Variants in HHIP observed in about 807,000 individuals in gnomAD.
HHIP encodes hedgehog-interacting protein.
A neutral mutation model predicts 74.0 loss-of-function variants in HHIP; 12 were observed. The observed-to-expected ratio is 0.16, with a 90% CI of 0.10 to 0.26. HHIP has a LOEUF of 0.26. Among genes scored for constraint, HHIP ranks in the 10% least tolerant of loss-of-function variants. The pLI is 1.00. For synonymous variants in HHIP, 309 were observed against 311.6 expected (o/e 0.99, Z 0.09); for missense variants, 788 against 845.0 (o/e 0.93, Z 0.84).
Position 144,734,748 on chromosome 4 carries a change from A to G in HHIP, c.1768A>G (p.Met590Val). The change falls in exon 12 of 13, where the codon ATG becomes GTG. Residue 590 changes from methionine (M) to valine (V), a missense_variant. Around this residue, in one of 3 missense-constraint regions of HHIP, gnomAD observed 343 missense variants for 347.9 expected, o/e 0.99. Transcript: ENST00000296575. ...TATTGTGTTTTAATGTAGACCTTTA[A>G]TGCCTGAGGAATGCAGAGCCACGGT... ...YKIVDPKRPL[M>V]PEECRATVQP... 1 of 1,583,382 alleles carries G rather than the reference A, an allele frequency of 6.3e-7. No homozygotes were observed. Among genetic ancestry groups the G allele is most frequent in the Non-Finnish European group, 8.6e-7 (1 of 1,156,632 alleles).
chr4:144,714,376 GAT>G, intron 9 of HHIP, 28 bp downstream of exon 9: 1 of 1,609,350 alleles, frequency 6.2e-7, no homozygotes, highest in Non-Finnish European at 8.5e-7. Context: ...ACAACAGTAT[GAT>G]ATACCAAATG....
chr4:144,654,680 G>A (rs1488139855), intron 2 of HHIP, among the ~76,000 whole-genome samples: 2 of 152,014 alleles, frequency 1.3e-5, no homozygotes, highest in Non-Finnish European at 2.9e-5. Flanking sequence ...CCCTGCCCCT[G>A]CCCCCAGCAC....
intron 4 of HHIP, among the ~76,000 whole-genome samples, chr4:144,698,102 T>A (rs1729872571): frequency 6.6e-6 from 1 of 152,112 alleles, no homozygotes; most frequent in South Asian, 2.1e-4. Flanking sequence ...CACGGACCAA[T>A]CGCTACATAC....
intron 2 of HHIP, among the ~76,000 whole-genome samples, chr4:144,656,389 G>A (rs1728558024): frequency 6.6e-6 from 1 of 152,056 alleles, no homozygotes; most frequent in Non-Finnish European, 1.5e-5. Flanking sequence ...CCAAGTTTAT[G>A]AATATATATT....
intron 4 of HHIP, among the ~76,000 whole-genome samples, chr4:144,681,442 T>C (rs1333558068): frequency 8.5e-6 from 1 of 118,108 alleles, no homozygotes; most frequent in Non-Finnish European, 1.9e-5. Flanking sequence ...TTTTTTTTTT[T>C]TGAGACAGAG....
intron 10 of HHIP, among the ~76,000 whole-genome samples, chr4:144,716,258 T>G (rs951075717): frequency 7.9e-5 from 12 of 151,306 alleles, no homozygotes; most frequent in Admixed American, 2.6e-4. Flanking sequence ...TCAGATTTGG[T>G]TTTTTTTACA....
chr4:144,664,125 C>T (rs1728790787), intron 4 of HHIP, among the ~76,000 whole-genome samples: 1 of 152,206 alleles, frequency 6.6e-6, no homozygotes, highest in Non-Finnish European at 1.5e-5. Flanking sequence ...ATCATTGGAA[C>T]AAGTGTCACT....
At chr4:144,721,182 G>A (rs1349951062) in intron 11 of HHIP, among the ~76,000 whole-genome samples, 1 of 152,080 alleles carries the variant, frequency 6.6e-6, no homozygotes, top group Non-Finnish European at 1.5e-5. Context: ...CCCAAGAAGA[G>A]AAAAGCAGGA....
intron 10 of HHIP, 135 bp downstream of exon 10, chr4:144,715,565 C>T: frequency 2.6e-6 from 2 of 773,846 alleles, no homozygotes; most frequent in African/African-American, 1.7e-5. Flanking sequence ...AGATGACCTA[C>T]TCCAGAGATT....
chr4:144,674,336 G>A (rs1227084373), intron 4 of HHIP, among the ~76,000 whole-genome samples: 1 of 152,154 alleles, frequency 6.6e-6, no homozygotes, highest in African/African-American at 2.4e-5. Context: ...TCTGCTTAAT[G>A]TTAAACTCAA....
At chr4:144,699,929 T>A (rs1246214794) in intron 4 of HHIP, among the ~76,000 whole-genome samples, 2 of 152,156 alleles carry the variant, frequency 1.3e-5, no homozygotes, top group Non-Finnish European at 2.9e-5. Flanking sequence ...CTGCAATGTG[T>A]TTCACAGCTT....
At chr4:144,719,997 T>C (rs1221187183) in intron 11 of HHIP, among the ~76,000 whole-genome samples, 2 of 152,232 alleles carry the variant, frequency 1.3e-5, no homozygotes, top group Non-Finnish European at 2.9e-5. Flanking sequence ...GAGGGAAATG[T>C]AGGTCGACAT....
intron 11 of HHIP, among the ~76,000 whole-genome samples, chr4:144,726,253 A>T (rs960574656): frequency 6.6e-5 from 10 of 152,214 alleles, no homozygotes; most frequent in Admixed American, 3.9e-4. Context: ...ATTTTGTGTC[A>T]TATCAGAGTA....
intron 11 of HHIP, among the ~76,000 whole-genome samples, chr4:144,730,158 T>C (rs907224124): frequency 5.3e-5 from 8 of 152,344 alleles, no homozygotes; most frequent in East Asian, 3.9e-4. Context: ...AAATAACTTA[T>C]GCTTCTCAAC....
rs1023491984 is a variant in HHIP, at chr4:144,741,040, T to G, written c.*3083T>G. Reference sequence around the variant, plus strand: ...GAACACAATTTGGCAGATCTTTAAGTGAAAGAGAGAAAAAATTTAAGAAAT... The same window carrying G: ...GAACACAATTTGGCAGATCTTTAAGGGAAAGAGAGAAAAAATTTAAGAAAT... On this transcript the variant is annotated 3_prime_UTR_variant, in exon 13 of 13. Transcript: ENST00000296575. 5 of 152,116 alleles carry G rather than the reference T, an allele frequency of 3.3e-5. No homozygotes were observed. Among genetic ancestry groups the G allele is most frequent in the African/African-American group, 1.2e-4 (5 of 41,436 alleles). The allele number at this position is 152,116 out of a possible 1,614,324, so 9.4% of individuals were successfully genotyped here.
At position 144,652,802 on chromosome 4, in the gene HHIP, G is replaced by GA. The variant is rs3215015; in HGVS notation, c.472+14dup. On this transcript the variant is annotated splice_donor_region_variant and intron_variant, in intron 2 of 12. Coordinates refer to ENST00000296575, the MANE Select transcript of HHIP (RefSeq NM_022475.3). Reference sequence around the variant, plus strand: ...CTTGCCGAGGCCATATTCCAGGTAAGAAAAAAAAATGCATAAGTAAAATAA... The same window carrying GA: ...CTTGCCGAGGCCATATTCCAGGTAAGAAAAAAAAAATGCATAAGTAAAATAA... The GA allele has an allele frequency of 7.1e-4, 1,092 of 1,532,866 alleles. 4 individuals are homozygous for GA. Among genetic ancestry groups the GA allele is most frequent in the South Asian group, 9.9e-4 (81 of 82,176 alleles). 95.0% of individuals were successfully genotyped at this position (1,532,866 alleles called of 1,614,324 possible).
In HHIP at chr4:144,742,971, GTA is replaced by G. The variant is rs1327649541; in HGVS notation, c.*5025_*5026del. 2 of 2,758 alleles carry G rather than the reference GTA, an allele frequency of 7.3e-4. No homozygotes were observed. Among genetic ancestry groups the G allele is most frequent in the African/African-American group, 5.9e-4 (1 of 1,692 alleles). The allele number at this position is 2,758 out of a possible 1,614,324, so 0.2% of individuals were successfully genotyped here. On this transcript the variant is annotated 3_prime_UTR_variant, in exon 13 of 13. Transcript: ENST00000296575. The stretch of plus-strand genomic sequence containing the variant: ...TATATCTTATACATATAAGATATAT[GTA>G]TATATATATACATTATATATATATA...
intron 11 of HHIP, among the ~76,000 whole-genome samples, chr4:144,724,200 GAC>G (rs1411381825): frequency 6.6e-6 from 1 of 152,154 alleles, no homozygotes; most frequent in Non-Finnish European, 1.5e-5. Flanking sequence ...CATGTGTACA[GAC>G]ACACTGAAAC....
At chr4:144,713,773 T>C (rs1730365025) in intron 8 of HHIP, among the ~76,000 whole-genome samples, 1 of 152,218 alleles carries the variant, frequency 6.6e-6, no homozygotes, top group Admixed American at 6.5e-5. Context: ...TATGTTTTTA[T>C]TTTCATTAAA....
Sources: gnomAD v4.1 joint callset for allele counts (sites outside exome capture counted in the v4.1 genomes callset) on GRCh38, gnomAD v4.1.1 for gene constraint, gnomAD v4.1.1 regional missense constraint, MANE v1.5 for transcripts, NCBI Gene and HGNC (gene_info 2026-07-23, HGNC 2026-07-21) for gene names.